The following SYNE3 variants were observed in gnomAD, a reference collection of about 807,000 sequenced individuals.
SYNE3 encodes spectrin repeat containing nuclear envelope family member 3.
A neutral mutation model predicts 111.2 loss-of-function variants in SYNE3; 100 were observed. The ratio of observed to expected loss-of-function variants is 0.90; its 90% CI spans 0.77 to 1.06. SYNE3 has a LOEUF of 1.06. Ranked by LOEUF, SYNE3 falls within the 50% of genes least tolerant of loss-of-function variation. SYNE3 has a pLI of 0.00. For missense variants in SYNE3, 1,160 were observed against 1,240.3 expected, an observed-to-expected ratio of 0.94 and a Z score of 0.97; for synonymous variants, 547 against 533.9, an observed-to-expected ratio of 1.02 and a Z score of -0.34.
chr14:95,483,635 G>C (rs536383674), intron 1 of SYNE3, among the ~76,000 whole-genome samples: 2 of 152,140 alleles, frequency 1.3e-5, no homozygotes, highest in Non-Finnish European at 2.9e-5. Context: ...TGTGTGAAAG[G>C]AGGGATAGGA....
intron 8 of SYNE3, chr14:95,449,374 C>T: frequency 1.0e-6 from 1 of 963,884 alleles, no homozygotes; most frequent in Non-Finnish European, 1.2e-6. Flanking sequence ...ATTTGAAAGG[C>T]GGAAGTAGAG....
At chr14:95,443,574 A>C in intron 10 of SYNE3, 1 of 365,834 alleles carries the variant, frequency 2.7e-6, no homozygotes, top group Non-Finnish European at 4.9e-6. Context: ...TCACATTGGG[A>C]CTCATACTTG....
intron 10 of SYNE3, 50 bp downstream of exon 10, chr14:95,444,435 T>G (rs769129146): frequency 5.2e-6 from 8 of 1,538,640 alleles, no homozygotes; most frequent in African/African-American, 1.4e-5. Context: ...TGCTTCCAGG[T>G]GCAGCTGAGC....
Position 95,409,532 on chromosome 14 carries a change from G to A in SYNE3, c.*8294C>T, listed in dbSNP as rs533017093. 4 of 393,016 alleles carry A rather than the reference G, an allele frequency of 1.0e-5. No individual in the cohort carries two copies. Among genetic ancestry groups the A allele is most frequent in the South Asian group, 7.7e-5 (4 of 51,668 alleles). 24.3% of individuals were successfully genotyped at this position (393,016 alleles called of 1,614,324 possible). ...TGATTGCTGTCTCTCGGCTGGACAA[G>A]GTGGTTGGGTTGGGGATGATGTTAC... On this transcript the variant is annotated 3_prime_UTR_variant, in exon 18 of 18. Transcript: ENST00000682763.
At chr14:95,469,311 C>G (rs927243899) in intron 2 of SYNE3, among the ~76,000 whole-genome samples, 3 of 152,020 alleles carry the variant, frequency 2.0e-5, no homozygotes, top group Non-Finnish European at 4.4e-5. Context: ...CCAGGCAGGT[C>G]ACTAGGCTAC....
In SYNE3 at chr14:95,462,454, C is replaced by T. The variant is rs1566670057; in HGVS notation, c.627+3477G>A. Among the ~76,000 whole-genome samples, 3 of 152,222 alleles carry T rather than the reference C, an allele frequency of 2.0e-5. No homozygotes were observed. The South Asian group carries it at 6.2e-4, about 31-fold the overall frequency. On this transcript the variant is annotated intron_variant, in intron 4 of 17. Transcript: ENST00000682763. ...AGCCACCCCACAAACAACAGCGCCC[C>T]ATTTCCACATTGGCATCAGCATTGA...
In SYNE3 at chr14:95,467,947, G is replaced by A. The variant is rs768773370; in HGVS notation, c.165C>T (p.Pro55=). 34 of 1,611,622 alleles carry A rather than the reference G, an allele frequency of 2.1e-5. No homozygotes were observed. The highest frequency in any genetic ancestry group is 2.9e-5 in the Non-Finnish European group (34 of 1,178,546). The change falls in exon 3 of 18, where the codon CCC becomes CCT. Residue 55 remains proline, a synonymous_variant. Transcript: ENST00000682763. Reference sequence around the variant, plus strand: ...CGAGGTCCACCCTCACACGCCCCTCGGGCTCCAGCTGGCATATTTTCTGTT... The same window carrying A: ...CGAGGTCCACCCTCACACGCCCCTCAGGCTCCAGCTGGCATATTTTCTGTT... ...WETEKICQLE[P]EGRVRVDLVL...
In SYNE3 at chr14:95,475,770, C is replaced by A; in HGVS notation, c.52G>T (p.Ala18Ser). 5 of 1,605,292 alleles carry A rather than the reference C, an allele frequency of 3.1e-6. No individual in the cohort carries two copies. Among genetic ancestry groups the A allele is most frequent in the Non-Finnish European group, 4.2e-6 (5 of 1,176,502 alleles). The change falls in exon 2 of 18, where the codon GCA becomes TCA. Residue 18 changes from alanine to serine, a missense_variant. Transcript: ENST00000682763. ...TGGTCCTGCACAGCCTTCATCCATG[C>A]CTGGGCATCCTCCACGCTCCTGTCA... ...DFDRSVEDAQ[A>S]WMKAVQDQLQ...
chr14:95,450,832 A>T (rs1241465298), intron 7 of SYNE3: 1 of 152,228 alleles, frequency 6.6e-6, no homozygotes, highest in Non-Finnish European at 1.5e-5. Flanking sequence ...AATAGGCAAC[A>T]CAGTGCTCCT....
At chr14:95,451,963 C>T (rs1243426699) in intron 7 of SYNE3, 3 of 248,124 alleles carry the variant, frequency 1.2e-5, no homozygotes, top group Non-Finnish European at 2.3e-5. Flanking sequence ...GCCATCACCC[C>T]TCCCCAATGC....
intron 8 of SYNE3, among the ~76,000 whole-genome samples, chr14:95,447,348 G>T (rs1171382577): frequency 1.3e-5 from 2 of 152,102 alleles, no homozygotes; most frequent in Non-Finnish European, 2.9e-5. Context: ...GTGTTAGCCA[G>T]GATGGTCTCG....
intron 10 of SYNE3, chr14:95,444,281 T>C (rs2139404658): frequency 4.9e-6 from 3 of 606,724 alleles, no homozygotes; most frequent in South Asian, 6.4e-5. Context: ...TTTGCTGAGC[T>C]CAAGACTCAG....
chr14:95,481,209 G>A (rs1337591761), intron 1 of SYNE3, among the ~76,000 whole-genome samples: 4 of 152,134 alleles, frequency 2.6e-5, no homozygotes, highest in Non-Finnish European at 1.5e-5. Flanking sequence ...TTGTTCTATT[G>A]GATTCTGAAG....
At chr14:95,512,166 G>T (rs962136585) in intron 1 of SYNE3, among the ~76,000 whole-genome samples, 15 of 152,082 alleles carry the variant, frequency 9.9e-5, no homozygotes, top group Admixed American at 9.2e-4. Flanking sequence ...CCTACATAAA[G>T]ATTTATGACA....
At chr14:95,444,222 C>G in intron 10 of SYNE3, 1 of 465,418 alleles carries the variant, frequency 2.1e-6, no homozygotes, top group East Asian at 3.2e-5. Flanking sequence ...AAACAAATAC[C>G]AATGTTAGAC....
chr14:95,417,686 C>T lies in SYNE3; in HGVS notation c.*140G>A, dbSNP rs138424222. On this transcript the variant is annotated 3_prime_UTR_variant, in exon 18 of 18. Transcript: ENST00000682763. ...ATAAAAAGTAAGTGTCTTCTGGGAA[C>T]GCTGACACAGCACTGATATGGATGC... is the stretch of plus-strand genomic sequence containing the variant. 350 of 866,670 alleles carry T rather than the reference C, an allele frequency of 4.0e-4. 2 individuals are homozygous for T. In the African/African-American group the frequency reaches 4.6e-3, roughly 11 times the overall value. 53.7% of individuals were successfully genotyped at this position (866,670 alleles called of 1,614,324 possible). A position where few individuals can be genotyped will look rare whatever the true frequency, so the allele number is the denominator to read the frequency against.
intron 1 of SYNE3, among the ~76,000 whole-genome samples, chr14:95,477,374 T>C (rs1390861284): frequency 2.6e-5 from 4 of 152,220 alleles, no homozygotes; most frequent in Non-Finnish European, 5.9e-5. Flanking sequence ...TTGGTTGAGA[T>C]GGGTAGGACC....
intron 4 of SYNE3, among the ~76,000 whole-genome samples, chr14:95,464,537 A>C (rs914056492): frequency 1.6e-4 from 24 of 152,230 alleles, no homozygotes; most frequent in African/African-American, 5.5e-4. Context: ...AACAAAAAAA[A>C]CCAATCACCC....
chr14:95,487,662 G>C (rs1005350819), intron 1 of SYNE3, among the ~76,000 whole-genome samples: 9 of 151,908 alleles, frequency 5.9e-5, no homozygotes, highest in Admixed American at 5.9e-4. Flanking sequence ...GAACATACCC[G>C]CCTCCCCTTT....
Sources: allele counts gnomAD v4.1 joint callset (sites outside exome capture counted in the v4.1 genomes callset), GRCh38; gene constraint gnomAD v4.1.1; transcripts MANE v1.5; gene names NCBI Gene and HGNC (gene_info 2026-07-23, HGNC 2026-07-21).